Variants in TXNDC16 observed in about 807,000 individuals in gnomAD.
TXNDC16 encodes thioredoxin domain-containing protein 16.
A neutral mutation model predicts 85.6 loss-of-function variants in TXNDC16; 74 were observed. That is an observed-to-expected ratio of 0.86 (90% CI 0.72 to 1.05). The LOEUF is 1.05. Among genes scored for constraint, TXNDC16 ranks in the 50% least tolerant of loss-of-function variants. The pLI is 0.00. For synonymous variants in TXNDC16, 335 were observed against 326.5 expected, an observed-to-expected ratio of 1.03 and a Z score of -0.28; for missense variants, 959 against 947.0, an observed-to-expected ratio of 1.01 and a Z score of -0.17.
intron 6 of TXNDC16, among the ~76,000 whole-genome samples, chr14:52,519,498 T>G (rs987841652): frequency 1.3e-5 from 2 of 152,226 alleles, no homozygotes; most frequent in African/African-American, 4.8e-5. Flanking sequence ...CCAGGGACAG[T>G]TGTGAGACAA....
At chr14:52,433,597 A>C (rs2034957911) in intron 20 of TXNDC16, among the ~76,000 whole-genome samples, 1 of 152,196 alleles carries the variant, frequency 6.6e-6, no homozygotes, top group East Asian at 1.9e-4. Flanking sequence ...TCCTAGAGTA[A>C]AGCTCAAACA....
chr14:52,440,593 C>T lies in TXNDC16; in HGVS notation c.1974G>A (p.Leu658=), dbSNP rs780756367. The change falls in exon 19 of 21, where the codon TTG becomes TTA. Residue 658 remains leucine (L), a synonymous_variant. Coordinates refer to ENST00000281741, the MANE Select transcript of TXNDC16 (RefSeq NM_020784.3). ...TTAACCAGCATGGAGTAAATGAATC[C>T]AAGTATTTCTGCTTTACCAGTGTCA... ...AILTLVKQKY[L]DSFTPCWLNL... 2 of 1,604,530 alleles carry T rather than the reference C, an allele frequency of 1.2e-6. No homozygotes were observed. The highest frequency in any genetic ancestry group is 1.7e-5 in the Admixed American group (1 of 58,232).
Position 52,509,588 on chromosome 14 carries a change from T to C in TXNDC16, c.756+1652A>G, listed in dbSNP as rs932420941. 7.9e-5 allele frequency among the ~76,000 whole-genome samples: 12 copies of C among 151,806 alleles called. No individual in the cohort carries two copies. In the South Asian group the frequency reaches 8.3e-4, roughly 11 times the overall value. ...AGCACACAAACATGGCACATGTATA[T>C]ATATGTAACAAACCTGCATGTTGTG... On this transcript the variant is annotated intron_variant, in intron 9 of 20. Coordinates refer to ENST00000281741, the MANE Select transcript of TXNDC16 (RefSeq NM_020784.3).
chr14:52,469,007 C>T (rs1270487128), intron 16 of TXNDC16, among the ~76,000 whole-genome samples: 1 of 151,838 alleles, frequency 6.6e-6, no homozygotes, highest in African/African-American at 2.4e-5. Context: ...ATATTCTTCA[C>T]ATACAGAAGG....
At chr14:52,472,945 A>G (rs2035942594) in intron 14 of TXNDC16, among the ~76,000 whole-genome samples, 1 of 152,214 alleles carries the variant, frequency 6.6e-6, no homozygotes, top group Admixed American at 6.5e-5. Context: ...CTTCTCTGCC[A>G]GCCATGTGTG....
intron 20 of TXNDC16, among the ~76,000 whole-genome samples, chr14:52,434,995 G>C (rs2034992863): frequency 1.3e-5 from 2 of 152,216 alleles, no homozygotes. Flanking sequence ...AATGGTTTGA[G>C]CTGAGGAATC....
At chr14:52,459,506 T>C (rs1265037419) in intron 16 of TXNDC16, among the ~76,000 whole-genome samples, 2 of 152,198 alleles carry the variant, frequency 1.3e-5, no homozygotes, top group African/African-American at 4.8e-5. Context: ...AAAGAAGAGC[T>C]GATACCATTC....
intron 6 of TXNDC16, among the ~76,000 whole-genome samples, chr14:52,528,909 A>G (rs1220791610): frequency 6.8e-6 from 1 of 147,478 alleles, no homozygotes; most frequent in Admixed American, 6.8e-5. Context: ...TATATATATT[A>G]TCTATAATAC....
intron 18 of TXNDC16, among the ~76,000 whole-genome samples, chr14:52,441,042 A>G (rs527242391): frequency 6.6e-6 from 1 of 152,300 alleles, no homozygotes; most frequent in South Asian, 2.1e-4. Flanking sequence ...AGACTAACCA[A>G]TATACACATG....
chr14:52,490,717 T>A, intron 10 of TXNDC16, 122 bp downstream of exon 10: 1 of 1,120,186 alleles, frequency 8.9e-7, no homozygotes, highest in Non-Finnish European at 1.3e-6. Context: ...CAACTAGTTC[T>A]AACTATATTG....
chr14:52,549,700 C>T (rs941835019), intron 1 of TXNDC16, among the ~76,000 whole-genome samples: 35 of 148,424 alleles, frequency 2.4e-4, no homozygotes, highest in Non-Finnish European at 4.4e-4. Flanking sequence ...TGCAGTGGTG[C>T]AATCTCCACT....
intron 4 of TXNDC16, among the ~76,000 whole-genome samples, chr14:52,538,888 G>A (rs188412285): frequency 4.9e-4 from 75 of 152,268 alleles, no homozygotes; most frequent in Non-Finnish European, 9.4e-4. Flanking sequence ...ACTAAGAAAC[G>A]AGAAATAGAG....
rs537939788 is a variant in TXNDC16 at position 52,438,432 on chromosome 14, G to A, written c.2194+772C>T. Among the ~76,000 whole-genome samples, 3 of 152,320 alleles carry A rather than the reference G, an allele frequency of 2.0e-5. No individual in the cohort carries two copies. The South Asian group carries it at 6.2e-4, about 32-fold the overall frequency. On this transcript the variant is annotated intron_variant, in intron 20 of 20. Coordinates refer to ENST00000281741, the MANE Select transcript of TXNDC16 (RefSeq NM_020784.3). ...GTCAGTTAGCAGCCATCAGCACAGA[G>A]ACAAGACCCTCCTTCATCAGCCAAA... is the stretch of plus-strand genomic sequence containing the variant.
At chr14:52,536,185 C>T (rs2037696384) in intron 6 of TXNDC16, among the ~76,000 whole-genome samples, 1 of 152,090 alleles carries the variant, frequency 6.6e-6, no homozygotes, top group Non-Finnish European at 1.5e-5. Flanking sequence ...ATATTAGTGC[C>T]CTAATAAAAG....
At chr14:52,550,284 C>A (rs2038018801) in intron 1 of TXNDC16, among the ~76,000 whole-genome samples, 1 of 152,194 alleles carries the variant, frequency 6.6e-6, no homozygotes, top group South Asian at 2.1e-4. Context: ...CCCATAAGAA[C>A]ATTCTGTCTG....
chr14:52,523,381 T>C (rs1479843992), intron 6 of TXNDC16, among the ~76,000 whole-genome samples: 1 of 152,224 alleles, frequency 6.6e-6, no homozygotes, highest in Non-Finnish European at 1.5e-5. Context: ...ACCCTACTTT[T>C]AGAGCAGCAA....
At chr14:52,499,896 A>ACAAT (rs2036618125) in intron 9 of TXNDC16, among the ~76,000 whole-genome samples, 1 of 152,206 alleles carries the variant, frequency 6.6e-6, no homozygotes, top group Non-Finnish European at 1.5e-5. Context: ...AATATCAAAT[A>ACAAT]CAATGTAAAT....
At chr14:52,532,688 G>A (rs936312267) in intron 6 of TXNDC16, among the ~76,000 whole-genome samples, 9 of 151,858 alleles carry the variant, frequency 5.9e-5, no homozygotes, top group Non-Finnish European at 1.2e-4. Flanking sequence ...TGCCCACCTC[G>A]GCCTCCCAAA....
At chr14:52,465,134 T>C (rs1034502043) in intron 16 of TXNDC16, among the ~76,000 whole-genome samples, 37 of 152,316 alleles carry the variant, frequency 2.4e-4, no homozygotes, top group African/African-American at 8.4e-4. Flanking sequence ...ATTTAATATG[T>C]AGTTAATAGT....
Sources: gnomAD v4.1 joint callset for allele counts (sites outside exome capture counted in the v4.1 genomes callset) on GRCh38, gnomAD v4.1.1 for gene constraint, MANE v1.5 for transcripts, NCBI Gene and HGNC (gene_info 2026-07-23, HGNC 2026-07-21) for gene names.